RAF1: variants seen among roughly 807,000 people sequenced by gnomAD.
RAF1 encodes Raf-1 proto-oncogene, serine/threonine kinase, also known as RAF proto-oncogene serine/threonine-protein kinase.
Under a neutral mutation model 81.1 loss-of-function variants are expected in RAF1, and 27 were observed. The ratio of observed to expected loss-of-function variants is 0.33; its 90% CI spans 0.25 to 0.46. RAF1 has a LOEUF of 0.46. Ranked by LOEUF, RAF1 falls within the 20% of genes least tolerant of loss-of-function variation. The pLI is 1.00. For missense variants in RAF1, 598 were observed against 826.0 expected (o/e 0.72, Z 3.38); for synonymous variants, 298 against 294.0 (o/e 1.01, Z -0.14).
At chr3:12,659,016 G>A (rs1234474436) in intron 1 of RAF1, among the ~76,000 whole-genome samples, 3 of 152,074 alleles carry the variant, frequency 2.0e-5, no homozygotes, top group Admixed American at 2.0e-4. Flanking sequence ...AAGTCATTCT[G>A]GGAGAAAAGA....
At chr3:12,639,014 G>A (rs986055525) in intron 1 of RAF1, among the ~76,000 whole-genome samples, 2 of 7,628 alleles carry the variant, frequency 2.6e-4, no homozygotes, top group Non-Finnish European at 4.7e-4. Context: ...ACTTGATCAC[G>A]GTGGATAAGC....
Position 12,612,750 on chromosome 3 carries a change from A to G in RAF1, c.208-688T>C, listed in dbSNP as rs115738832. ...TCAAGAGACAGTTAAGAAAGTGGTT[A>G]GAAAGTGGTTAAGAAAGATAAAATG... On this transcript the variant is annotated intron_variant, in intron 2 of 17. Coordinates refer to ENST00000442415, the MANE Select transcript of RAF1 (RefSeq NM_001354689.3). Among the ~76,000 whole-genome samples the G allele has an allele frequency of 7.5e-3, 1,148 of 152,270 alleles. 15 individuals carry two copies. The highest frequency in any genetic ancestry group is 0.026 in the African/African-American group (1,089 of 41,546).
rs1035608851 is a variant in RAF1, at chr3:12,663,903, C to A, written c.-117G>T. ...CCGCGGCGGGTGAGGGAGCGGGAGG[C>A]GGTCACATTCGGCGCGTCCCCAGCC... On this transcript the variant is annotated 5_prime_UTR_variant, in exon 1 of 18. Transcript: ENST00000442415. 2.5e-4 allele frequency: 98 copies of A among 398,184 alleles called. No individual in the cohort carries two copies. The Admixed American group carries it at 3.9e-3, about 16-fold the overall frequency. The allele number at this position is 398,184 out of a possible 1,614,324, so 24.7% of individuals were successfully genotyped here.
chr3:12,585,127 C>G lies in RAF1; in HGVS notation c.1723G>C (p.Asp575His), dbSNP rs371704292. The G allele has an allele frequency of 4.3e-6, 7 of 1,614,040 alleles. No individual in the cohort carries two copies. The African/African-American group carries it at 6.7e-5, about 15-fold the overall frequency. Reference sequence around the variant, plus strand: ...TCGCACCAGCACAGACTTACCTGATCTCGGTTGTTGATGTGAGAATAAGGA... The same window carrying G: ...TCGCACCAGCACAGACTTACCTGATGTCGGTTGTTGATGTGAGAATAAGGA... The change falls in exon 16 of 18, where the codon GAT becomes CAT. Residue 575 changes from aspartate to histidine, a missense_variant. Transcript: ENST00000442415.
At chr3:12,627,038 A>G (rs1339810841) in intron 1 of RAF1, among the ~76,000 whole-genome samples, 2 of 151,116 alleles carry the variant, frequency 1.3e-5, no homozygotes, top group East Asian at 3.9e-4. Context: ...AAAAAAAAAA[A>G]AGAAAAGAAA....
intron 1 of RAF1, among the ~76,000 whole-genome samples, chr3:12,657,074 G>A (rs1326838748): frequency 6.6e-6 from 1 of 151,836 alleles, no homozygotes; most frequent in Non-Finnish European, 1.5e-5. Flanking sequence ...GGTCCTTGAA[G>A]GTAGGAACTT....
intron 1 of RAF1, among the ~76,000 whole-genome samples, chr3:12,619,132 C>G (rs892597587): frequency 3.9e-5 from 6 of 152,128 alleles, no homozygotes; most frequent in Non-Finnish European, 7.4e-5. Flanking sequence ...GTAGTCCCAG[C>G]TACTCGGGAG....
chr3:12,611,915 A>G (rs1174353829), intron 3 of RAF1, 35 bp downstream of exon 3: 1 of 1,442,776 alleles, frequency 6.9e-7, no homozygotes, highest in Admixed American at 1.7e-5. Context: ...GATCCTTACT[A>G]GTCTGAAGAA....
At chr3:12,660,045 C>G (rs2060826900) in intron 1 of RAF1, among the ~76,000 whole-genome samples, 1 of 152,058 alleles carries the variant, frequency 6.6e-6, no homozygotes, top group African/African-American at 2.4e-5. Context: ...CGTAAATAAT[C>G]CAGTGCTTCT....
At chr3:12,589,975 G>A (rs561772961) in intron 13 of RAF1, 1 of 151,856 alleles carries the variant, frequency 6.6e-6, no homozygotes, top group East Asian at 1.9e-4. Context: ...ATTTTTAGTA[G>A]AGATGAGATT....
chr3:12,616,723 C>T (rs938927480), intron 2 of RAF1, among the ~76,000 whole-genome samples: 1 of 152,090 alleles, frequency 6.6e-6, no homozygotes, highest in Non-Finnish European at 1.5e-5. Flanking sequence ...GGGTTCCCCA[C>T]CTCAGAACCT....
chr3:12,658,876 C>T lies in RAF1; in HGVS notation c.-27+4937G>A, dbSNP rs549712047. Among the ~76,000 whole-genome samples, 6 of 152,228 alleles carry T rather than the reference C, an allele frequency of 3.9e-5. No individual in the cohort carries two copies. In the East Asian group the frequency reaches 9.7e-4, roughly 25 times the overall value. On this transcript the variant is annotated intron_variant, in intron 1 of 17. Transcript: ENST00000442415. Reference sequence around the variant, plus strand: ...AGTAATTTGCCAAACTTTAGATAGTCTAGGCCAAAACCACTAACAAAGAAA... The same window carrying T: ...AGTAATTTGCCAAACTTTAGATAGTTTAGGCCAAAACCACTAACAAAGAAA...
At chr3:12,596,658 T>A (rs975314239) in intron 11 of RAF1, among the ~76,000 whole-genome samples, 2 of 152,178 alleles carry the variant, frequency 1.3e-5, no homozygotes, top group Non-Finnish European at 2.9e-5. Context: ...GTTAAAAAAA[T>A]CTTCAATCAA....
chr3:12,618,512 T>G lies in RAF1; in HGVS notation c.207+3A>C, dbSNP rs2059446405. 1 of 1,614,030 alleles carries G rather than the reference T, an allele frequency of 6.2e-7. No homozygotes were observed. The highest frequency in any genetic ancestry group is 8.5e-7 in the Non-Finnish European group (1 of 1,179,988). The stretch of plus-strand genomic sequence containing the variant: ...AAATTTCCTAAGTAGAATGTTCACA[T>G]ACCACTGTTCTTTGCTTGTTCGGCA... On this transcript the variant is annotated splice_donor_region_variant and intron_variant, in intron 2 of 17. Coordinates refer to ENST00000442415, the MANE Select transcript of RAF1 (RefSeq NM_001354689.3).
At chr3:12,589,355 T>C (rs1034141955) in intron 13 of RAF1, 1 of 152,232 alleles carries the variant, frequency 6.6e-6, no homozygotes, top group African/African-American at 2.4e-5. Context: ...GAAAAGTCAT[T>C]CCATTTCTTA....
rs1412475548 is a variant in RAF1, at chr3:12,663,891, G to A, written c.-105C>T. The A allele has an allele frequency of 3.0e-5, 12 of 398,040 alleles. No individual in the cohort carries two copies. Among genetic ancestry groups the A allele is most frequent in the Non-Finnish European group, 5.3e-5 (12 of 225,726 alleles). The allele number at this position is 398,040 out of a possible 1,614,324, so 24.7% of individuals were successfully genotyped here. On this transcript the variant is annotated 5_prime_UTR_variant, in exon 1 of 18. Transcript: ENST00000442415. ...CGCTCCTCCTCCCCGCGGCGGGTGA[G>A]GGAGCGGGAGGCGGTCACATTCGGC...
intron 1 of RAF1, among the ~76,000 whole-genome samples, chr3:12,645,108 A>G (rs2060304924): frequency 6.6e-6 from 1 of 151,270 alleles, no homozygotes; most frequent in African/African-American, 2.4e-5. Context: ...AAAAAAAAAA[A>G]AAAAAAAAAA....
intron 1 of RAF1, among the ~76,000 whole-genome samples, chr3:12,630,628 T>C (rs773701199): frequency 1.9e-4 from 29 of 152,184 alleles, no homozygotes; most frequent in Non-Finnish European, 1.5e-4. Flanking sequence ...GTGAAAATCC[T>C]TTGTACAAGG....
At position 12,618,688 on chromosome 3, in the gene RAF1, T is replaced by C. The variant is rs2125453642; in HGVS notation, c.34A>G (p.Ser12Gly). The change falls in exon 2 of 18, where the codon AGC becomes GGC. Residue 12 changes from serine to glycine, a missense_variant. This residue lies in a region of RAF1 where 83 missense variants were observed against 72.3 expected (regional missense o/e 1.15). Coordinates refer to ENST00000442415, the MANE Select transcript of RAF1 (RefSeq NM_001354689.3). The stretch of plus-strand genomic sequence containing the variant: ...GCATCTTTGAATCCAAAACCATTGC[T>C]GATCGTCTTCCAAGCTCCCTGTATG... 6.2e-7 allele frequency: 1 copy of C among 1,614,222 alleles called. No homozygotes were observed. Among genetic ancestry groups the C allele is most frequent in the Non-Finnish European group, 8.5e-7 (1 of 1,180,050 alleles).
Sources: gnomAD v4.1 joint callset for allele counts (sites outside exome capture counted in the v4.1 genomes callset) on GRCh38, gnomAD v4.1.1 for gene constraint, gnomAD v4.1.1 regional missense constraint, MANE v1.5 for transcripts, NCBI Gene and HGNC (gene_info 2026-07-23, HGNC 2026-07-21) for gene names.